KLHL29: variants seen among roughly 807,000 people sequenced by gnomAD.
KLHL29 encodes kelch-like protein 29.
A neutral mutation model predicts 80.4 loss-of-function variants in KLHL29; 21 were observed. That is an observed-to-expected ratio of 0.26 (90% confidence interval 0.19 to 0.38). The LOEUF (loss-of-function observed/expected upper bound fraction) is 0.38, where lower values mean the gene tolerates loss of function less well. Ranked by LOEUF, KLHL29 falls within the 10% of genes least tolerant of loss-of-function variation. KLHL29 has a pLI of 1.00. For synonymous variants in KLHL29, 511 were observed against 526.8 expected, an observed-to-expected ratio of 0.97 and a Z score of 0.41; for missense variants, 867 against 1,223.9, an observed-to-expected ratio of 0.71 and a Z score of 4.35.
At chr2:23,408,840 G>A (rs560400641) in intron 1 of KLHL29, among the ~76,000 whole-genome samples, 4 of 152,192 alleles carry the variant, frequency 2.6e-5, no homozygotes, top group South Asian at 4.2e-4. Context: ...CTCTAATCCC[G>A]AGTCCTGGTA....
rs574768721 is a variant in KLHL29, at chr2:23,583,288, C to T, written c.285+20807C>T. The stretch of plus-strand genomic sequence containing the variant: ...TGGAAGGGTCTCTTCCTAGCATCTC[C>T]TTCAAGAAGGTCCATCCGCGTGGGA... On this transcript the variant is annotated intron_variant, in intron 3 of 13. Transcript: ENST00000486442. Among the ~76,000 whole-genome samples, 6 of 152,324 alleles carry T rather than the reference C, an allele frequency of 3.9e-5. No individual in the cohort carries two copies. In the East Asian group the frequency reaches 1.2e-3, roughly 29 times the overall value.
At chr2:23,475,932 CGCAGTGGCGCAA>C (rs1664629641) in intron 2 of KLHL29, among the ~76,000 whole-genome samples, 1 of 152,172 alleles carries the variant, frequency 6.6e-6, no homozygotes, top group African/African-American at 2.4e-5. Flanking sequence ...CAGGCTGGAG[CGCAGTGGCGCAA>C]TCTTGGCTCA....
At chr2:23,531,828 C>T (rs566754915) in intron 2 of KLHL29, among the ~76,000 whole-genome samples, 1 of 152,278 alleles carries the variant, frequency 6.6e-6, no homozygotes, top group South Asian at 2.1e-4. Flanking sequence ...GAAATGTGCT[C>T]CCATCTGTTC....
At chr2:23,446,204 G>GTTT (rs11421477) in intron 1 of KLHL29, among the ~76,000 whole-genome samples, 7 of 144,092 alleles carry the variant, frequency 4.9e-5, no homozygotes, top group Admixed American at 6.9e-5. Context: ...TGCATTTGGA[G>GTTT]TTTTTTTTTT....
intron 2 of KLHL29, among the ~76,000 whole-genome samples, chr2:23,530,856 C>T (rs1197816629): frequency 6.6e-6 from 1 of 152,166 alleles, no homozygotes; most frequent in Non-Finnish European, 1.5e-5. Context: ...GTTCTTGCCC[C>T]ATCCCACCAG....
rs1666768797 is a variant in KLHL29 at position 23,539,431 on chromosome 2, C to CTTTTTTTTTTTTTT, written c.-45-22721_-45-22720insTTTTTTTTTTTTTT. Among the ~76,000 whole-genome samples, 3 of 107,216 alleles carry CTTTTTTTTTTTTTT rather than the reference C, an allele frequency of 2.8e-5. 1 individual carries two copies. The allele number at this position is 107,216 out of a possible 152,430, so 70.3% of individuals were successfully genotyped here. A position where few individuals can be genotyped will look rare whatever the true frequency, so the allele number is the denominator to read the frequency against. Reference sequence around the variant, plus strand: ...ATGCTTTGCTAGCCTTATCCTGCCTCCTTTTTTTTTTTTTTTTTTTTTTTT... The same window carrying CTTTTTTTTTTTTTT: ...ATGCTTTGCTAGCCTTATCCTGCCTCTTTTTTTTTTTTTTCTTTTTTTTTTTTTTTTTTTTTTTT... On this transcript the variant is annotated intron_variant, in intron 2 of 13. Transcript: ENST00000486442.
At chr2:23,538,543 C>T (rs4665606) in intron 2 of KLHL29, among the ~76,000 whole-genome samples, 45,724 of 152,120 alleles carry the variant, frequency 0.3, 7,389 homozygotes, top group East Asian at 0.65. Flanking sequence ...AAAATCGTGA[C>T]TGAAACGTCC....
chr2:23,492,605 G>A (rs1002107363), intron 2 of KLHL29, among the ~76,000 whole-genome samples: 4 of 152,222 alleles, frequency 2.6e-5, no homozygotes, highest in Non-Finnish European at 4.4e-5. Flanking sequence ...TGGGAAGTAA[G>A]GGAATTAAGA....
chr2:23,695,679 G>A lies in KLHL29; in HGVS notation c.1599G>A (p.Leu533=). The change falls in exon 9 of 14, where the codon CTG becomes CTA. Residue 533 remains leucine (L), a synonymous_variant. Transcript: ENST00000486442. The surrounding 1 kb of genome is among the most constrained non-coding windows in gnomAD (Gnocchi z 7.6). ...TCCCCTTCATCCACCCCAGCTACCT[G>A]CTCAATGTGGTTGACAATGAAGAGC... ...VRLPFIHPSY[L]LNVVDNEELI... is the part of the protein sequence containing the mutation. 6.4e-7 allele frequency: 1 copy of A among 1,551,594 alleles called. No homozygotes were observed. The highest frequency in any genetic ancestry group is 8.7e-7 in the Non-Finnish European group (1 of 1,146,944).
rs139747089 is a variant in KLHL29 at position 23,489,840 on chromosome 2, G to A, written c.-46+14173G>A. On this transcript the variant is annotated intron_variant, in intron 2 of 13. Coordinates refer to ENST00000486442, the MANE Select transcript of KLHL29 (RefSeq NM_052920.2). ...TGGGCGGTACCCACACCAAGGAGGA[G>A]GTGCCCACATCAGGTCCTAAGGGAG... Among the ~76,000 whole-genome samples, 4 of 152,282 alleles carry A rather than the reference G, an allele frequency of 2.6e-5. No homozygotes were observed. In the East Asian group the frequency reaches 7.7e-4, roughly 29 times the overall value.
At chr2:23,494,541 T>G (rs1405964648) in intron 2 of KLHL29, among the ~76,000 whole-genome samples, 1 of 152,196 alleles carries the variant, frequency 6.6e-6, no homozygotes, top group African/African-American at 2.4e-5. Flanking sequence ...TAAAAGCACG[T>G]GCTTTGTCGT....
chr2:23,402,760 G>T (rs1666624304), intron 1 of KLHL29, among the ~76,000 whole-genome samples: 1 of 152,154 alleles, frequency 6.6e-6, no homozygotes, highest in Non-Finnish European at 1.5e-5. Context: ...AGTTTCTTCA[G>T]TGATTTCACT....
At chr2:23,543,815 A>G (rs1666912022) in intron 2 of KLHL29, among the ~76,000 whole-genome samples, 1 of 151,854 alleles carries the variant, frequency 6.6e-6, no homozygotes, top group South Asian at 2.1e-4. Flanking sequence ...CCTGGGGGAG[A>G]GCTGGCTGCT....
At chr2:23,623,540 G>C (rs1169899800) in intron 3 of KLHL29, among the ~76,000 whole-genome samples, 1 of 152,210 alleles carries the variant, frequency 6.6e-6, no homozygotes, top group African/African-American at 2.4e-5. Context: ...AAAGCTCAAA[G>C]TGGCCATGGG....
chr2:23,420,161 C>T (rs1309915794), intron 1 of KLHL29, among the ~76,000 whole-genome samples: 1 of 152,178 alleles, frequency 6.6e-6, no homozygotes, highest in African/African-American at 2.4e-5. Flanking sequence ...CCTGTTCCCT[C>T]CTGCCCAGCG....
At chr2:23,421,794 G>GTC (rs1558332154) in intron 1 of KLHL29, among the ~76,000 whole-genome samples, 2 of 151,490 alleles carry the variant, frequency 1.3e-5, no homozygotes, top group Non-Finnish European at 2.9e-5. Context: ...TCATACATCT[G>GTC]TGTGTGTGTC....
At chr2:23,533,511 C>T (rs1214006485) in intron 2 of KLHL29, among the ~76,000 whole-genome samples, 1 of 152,076 alleles carries the variant, frequency 6.6e-6, no homozygotes, top group Admixed American at 6.5e-5. Context: ...AACAAGGAGC[C>T]CTGGGTCGTA....
At chr2:23,588,752 C>T (rs1020215723) in intron 3 of KLHL29, among the ~76,000 whole-genome samples, 23 of 152,214 alleles carry the variant, frequency 1.5e-4, no homozygotes, top group African/African-American at 5.3e-4. Context: ...TAGGCTGTAC[C>T]GGCAGGTGGA....
At position 23,457,170 on chromosome 2, in the gene KLHL29, A is replaced by G. The variant is rs10172684; in HGVS notation, c.-153-18390A>G. ...ACAGGAACAGGAGGAGGTTAAAGCA[A>G]TCCGTGCCCTGAGTGAGCGCAGGGT... is the stretch of plus-strand genomic sequence containing the variant. On this transcript the variant is annotated intron_variant, in intron 1 of 13. Coordinates refer to ENST00000486442, the MANE Select transcript of KLHL29 (RefSeq NM_052920.2). The surrounding 1 kb of genome is among the most constrained non-coding windows in gnomAD (Gnocchi z 4.3). Among the ~76,000 whole-genome samples, 46,332 of 152,116 alleles carry G rather than the reference A, an allele frequency of 0.3. 7,273 individuals are homozygous for G. Among genetic ancestry groups the G allele is most frequent in the South Asian group, 0.41 (1,980 of 4,816 alleles).
Sources: gnomAD v4.1 joint callset for allele counts (sites outside exome capture counted in the v4.1 genomes callset) on GRCh38, gnomAD v4.1.1 for gene constraint, Gnocchi (gnomAD v3.1) non-coding constraint, MANE v1.5 for transcripts, NCBI Gene and HGNC (gene_info 2026-07-23, HGNC 2026-07-21) for gene names.